Variants in CD1E observed in about 807,000 individuals in gnomAD.
CD1E encodes the protein T-cell surface glycoprotein CD1e, membrane-associated.
In CD1E, 49 loss-of-function variants were observed where a neutral mutation model predicts 40.1. The ratio of observed to expected loss-of-function variants is 1.22; its 90% confidence interval spans 0.97 to 1.55. The LOEUF is 1.55. CD1E is among the 40% of genes most tolerant of loss of function. The probability of loss-of-function intolerance (pLI) is 0.00; values close to 1 mark genes in which losing one functional copy is unlikely to be tolerated. For synonymous variants in CD1E, 189 were observed against 178.3 expected (o/e 1.06, Z -0.48); for missense variants, 492 against 471.3 (o/e 1.04, Z -0.41).
chr1:158,355,625 G>C lies in CD1E; in HGVS notation c.625+56G>C, dbSNP rs978892231. Reference sequence around the variant, plus strand: ...TCCTAGTACTATAACTCTCATATTTGAATTTGCCTCTCATCATCATTTTGA... The same window carrying C: ...TCCTAGTACTATAACTCTCATATTTCAATTTGCCTCTCATCATCATTTTGA... On this transcript the variant is annotated intron_variant, in intron 3 of 5. Coordinates refer to ENST00000368167, the MANE Select transcript of CD1E (RefSeq NM_030893.4). 3.9e-6 allele frequency: 6 copies of C among 1,550,458 alleles called. No individual in the cohort carries two copies. In the African/African-American group the frequency reaches 8.2e-5, roughly 21 times the overall value.
In CD1E at chr1:158,354,817, A is replaced by G. The variant is rs112422469; in HGVS notation, c.355+144A>G. ...TGACTCCCACTCCCTCCTCTGCTTC[A>G]CCCTTCACCACCACCCACACTCCAC... On this transcript the variant is annotated intron_variant, in intron 2 of 5. Coordinates refer to ENST00000368167, the MANE Select transcript of CD1E (RefSeq NM_030893.4). 4,344 of 676,292 alleles carry G rather than the reference A, an allele frequency of 6.4e-3. 131 individuals are homozygous for G. In the African/African-American group the frequency reaches 0.07, roughly 11 times the overall value. The allele number at this position is 676,292 out of a possible 1,614,324, so 41.9% of individuals were successfully genotyped here. A position where few individuals can be genotyped will look rare whatever the true frequency, so the allele number is the denominator to read the frequency against.
rs776702657 is a variant in CD1E at position 158,356,722 on chromosome 1, C to G, written c.999-6C>G. On this transcript the variant is annotated splice_region_variant and splice_polypyrimidine_tract_variant and intron_variant, in intron 5 of 5. Transcript: ENST00000368167. ...TTGAGATTAATATCCTCCTCTTTTC[C>G]CACAGTTCAAATAAGAACATTCTTT... The G allele has an allele frequency of 8.1e-6, 13 of 1,612,834 alleles. No individual in the cohort carries two copies. The highest frequency in any genetic ancestry group is 8.5e-7 in the Non-Finnish European group (1 of 1,179,610).
At chr1:158,355,148 ACAAATTTTCTT>A in intron 2 of CD1E, 141 bp from the exon 3 acceptor site, 2 of 387,876 alleles carry the variant, frequency 5.2e-6, no homozygotes, top group Non-Finnish European at 7.8e-6. Flanking sequence ...TTTTCTTCCC[ACAAATTTTCTT>A]CCCCTTTGCC....
rs751436015 is a variant in CD1E at position 158,356,053 on chromosome 1, C to A, written c.852C>A (p.Ser284=). The A allele has an allele frequency of 6.2e-6, 10 of 1,613,904 alleles. No individual in the cohort carries two copies. Among genetic ancestry groups the A allele is most frequent in the Non-Finnish European group, 8.5e-6 (10 of 1,179,946 alleles). Reference sequence around the variant, plus strand: ...CGGCTGGGGAGGCAGCTGGCCTGTCCTGTCGGGTGAAACACAGCAGTCTAG... The same window carrying A: ...CGGCTGGGGAGGCAGCTGGCCTGTCATGTCGGGTGAAACACAGCAGTCTAG... ...DVAAGEAAGL[S]CRVKHSSLGG... is the part of the protein sequence containing the mutation. Residue 284 remains serine (S), a synonymous_variant, in exon 4 of 6, where the codon TCC becomes TCA. Coordinates refer to ENST00000368167, the MANE Select transcript of CD1E (RefSeq NM_030893.4).
At position 158,356,017 on chromosome 1, in the gene CD1E, C is replaced by T; in HGVS notation, c.816C>T (p.Thr272=). 6.2e-7 allele frequency: 1 copy of T among 1,614,112 alleles called. No individual in the cohort carries two copies. The highest frequency in any genetic ancestry group is 8.5e-7 in the Non-Finnish European group (1 of 1,180,022). ...ACGAGACATGGTATCTCCGAGCAACCCTGGATGTGGCGGCTGGGGAGGCAG... is the reference window on the plus strand; with the variant it reads ...ACGAGACATGGTATCTCCGAGCAACTCTGGATGTGGCGGCTGGGGAGGCAG... The part of the protein sequence containing the change: ...NADETWYLRA[T]LDVAAGEAAG... Residue 272 remains threonine, a synonymous_variant, in exon 4 of 6, where the codon ACC becomes ACT. Transcript: ENST00000368167.
intron 3 of CD1E, 86 bp downstream of exon 3, chr1:158,355,655 CAT>C (rs1359891384): frequency 2.0e-6 from 3 of 1,474,688 alleles, no homozygotes; most frequent in Non-Finnish European, 2.7e-6. Flanking sequence ...TTTTGAAAGA[CAT>C]AGTGAGAGAC....
intron 2 of CD1E, among the ~76,000 whole-genome samples, chr1:158,355,044 T>C (rs992021207): frequency 6.6e-6 from 1 of 152,026 alleles, no homozygotes; most frequent in African/African-American, 2.4e-5. Flanking sequence ...CACTTTCACG[T>C]GAATTATTTA....
chr1:158,356,414 G>A (rs1653691859), intron 4 of CD1E, 84 bp from the exon 5 acceptor site: 1 of 1,113,168 alleles, frequency 9.0e-7, no homozygotes. Context: ...ATTCTAGGAA[G>A]GTCCCACCCT....
In CD1E at chr1:158,357,235, C is replaced by T; in HGVS notation, c.*339C>T. On this transcript the variant is annotated 3_prime_UTR_variant, in exon 6 of 6. Transcript: ENST00000368167. ...AACAGTAGTTATTTAGGTTTTTGCTCTTTTTTTTTTTTTAATCTCAGTTGC... is the reference window on the plus strand; with the variant it reads ...AACAGTAGTTATTTAGGTTTTTGCTTTTTTTTTTTTTTTAATCTCAGTTGC... 6.4e-6 allele frequency: 1 copy of T among 157,226 alleles called. No homozygotes were observed. Among genetic ancestry groups the T allele is most frequent in the Admixed American group, 6.3e-5 (1 of 15,824 alleles). 9.7% of individuals were successfully genotyped at this position (157,226 alleles called of 1,614,324 possible).
intron 2 of CD1E, 43 bp from the exon 3 acceptor site, chr1:158,355,257 G>A (rs1653472975): frequency 1.3e-6 from 2 of 1,574,692 alleles, no homozygotes; most frequent in Admixed American, 1.8e-5. Context: ...TTTCTTCCTT[G>A]TCATTCTTTC....
chr1:158,355,908 A>C lies in CD1E; in HGVS notation c.707A>C (p.Tyr236Ser), dbSNP rs1005575666. ...CTTGTGTGCCATGTCTCAGGATTCT[A>C]CCCAAAGCCCGTGTGGGTGATGTGG... ...LQLVCHVSGF[Y>S]PKPVWVMWMR... The change falls in exon 4 of 6, where the codon TAC becomes TCC. Residue 236 changes from tyrosine (Y) to serine (S), a missense_variant. By Grantham distance (144) the Tyr-to-Ser change is moderately radical (BLOSUM62 -2). Transcript: ENST00000368167. 1 of 1,613,970 alleles carries C rather than the reference A, an allele frequency of 6.2e-7. No individual in the cohort carries two copies.
Position 158,354,554 on chromosome 1 carries a change from C to T in CD1E, c.236C>T (p.Pro79Leu), listed in dbSNP as rs1370392156. 1.4e-5 allele frequency: 22 copies of T among 1,614,096 alleles called. No individual in the cohort carries two copies. The South Asian group carries it at 2.2e-4, about 16-fold the overall frequency. ...TVLGTIRFLK[P>L]WSHGNFSKQE... is the part of the protein sequence containing the mutation. ...TTGGGCACCATCCGCTTTCTGAAGC[C>T]CTGGTCCCATGGAAACTTCAGCAAG... is the stretch of plus-strand genomic sequence containing the variant. The change falls in exon 2 of 6, where the codon CCC (proline) becomes CTC (leucine). Residue 79 changes from proline to leucine, a missense_variant. Physicochemically the swap from Pro to Leu is moderately conservative, Grantham distance 98. Coordinates refer to ENST00000368167, the MANE Select transcript of CD1E (RefSeq NM_030893.4).
At chr1:158,354,337 C>T (rs1653341290) in intron 1 of CD1E, 40 bp from the exon 2 acceptor site, 2 of 1,532,906 alleles carry the variant, frequency 1.3e-6, no homozygotes, top group Non-Finnish European at 1.8e-6. Context: ...TTTTCCCATC[C>T]CTTTACATTC....
chr1:158,355,105 T>G (rs1295799323), intron 2 of CD1E, among the ~76,000 whole-genome samples, 195 bp from the exon 3 acceptor site: 2 of 152,088 alleles, frequency 1.3e-5, no homozygotes, highest in Non-Finnish European at 2.9e-5. Flanking sequence ...ACTTTCCCAT[T>G]AGTTATTTCA....
At position 158,355,528 on chromosome 1, in the gene CD1E, C is replaced by T. The variant is rs199846351; in HGVS notation, c.584C>T (p.Ala195Val). The T allele has an allele frequency of 4.4e-5, 71 of 1,614,094 alleles. No homozygotes were observed. The highest frequency in any genetic ancestry group is 6.7e-5 in the African/African-American group (5 of 75,040). Residue 195 changes from alanine to valine, a missense_variant, in exon 3 of 6, where the codon GCG (alanine) becomes GTG (valine). Coordinates refer to ENST00000368167, the MANE Select transcript of CD1E (RefSeq NM_030893.4). ...GGTCACACCTGCCCTCGATTTCTAGCGGGGCTCATGGAAGCAGGGGAGTCA... is the reference window on the plus strand; with the variant it reads ...GGTCACACCTGCCCTCGATTTCTAGTGGGGCTCATGGAAGCAGGGGAGTCA... ...LLGHTCPRFL[A>V]GLMEAGESEL... is the part of the protein sequence containing the mutation.
In CD1E at chr1:158,356,764, C is replaced by T. The variant is rs750707754; in HGVS notation, c.1035C>T (p.Ser345=). The T allele has an allele frequency of 1.2e-6, 2 of 1,613,796 alleles. No individual in the cohort carries two copies. The highest frequency in any genetic ancestry group is 1.3e-5 in the African/African-American group (1 of 74,860). Residue 345 remains serine (S), a synonymous_variant, in exon 6 of 6, where the codon AGC becomes AGT. Transcript: ENST00000368167. ...ACATTCTTTCTCCCCACACACCCAG[C>T]CCTGTCTTTCTCATGGGAGCCAACA... The part of the protein sequence containing the change: ...NKNILSPHTP[S]PVFLMGANTQ...
intron 4 of CD1E, 99 bp from the exon 5 acceptor site, chr1:158,356,399 T>G: frequency 9.9e-7 from 1 of 1,007,352 alleles, no homozygotes; most frequent in Non-Finnish European, 1.5e-6. Flanking sequence ...AAAACCCAGA[T>G]GAAAATTCTA....
Position 158,356,791 on chromosome 1 carries a change from T to C in CD1E, c.1062T>C (p.Thr354=), listed in dbSNP as rs61734681. The change falls in exon 6 of 6, where the codon ACT becomes ACC. Residue 354 remains threonine (T), a synonymous_variant. Coordinates refer to ENST00000368167, the MANE Select transcript of CD1E (RefSeq NM_030893.4). The part of the protein sequence containing the change: ...PSPVFLMGAN[T]QDTKNSRHQF... ...CTGTCTTTCTCATGGGAGCCAACAC[T>C]CAGGACACCAAGAATTCAAGACATC... 15,872 of 1,613,676 alleles carry C rather than the reference T, an allele frequency of 9.8e-3. 1,325 individuals are homozygous for C. In the African/African-American group the frequency reaches 0.18, roughly 19 times the overall value.
In CD1E at chr1:158,355,514, C is replaced by T. The variant is rs753931697; in HGVS notation, c.570C>T (p.Cys190=). ...TGCAAAGCCTTCTTGGTCACACCTG[C>T]CCTCGATTTCTAGCGGGGCTCATGG... ...EILQSLLGHT[C]PRFLAGLMEA... The change falls in exon 3 of 6, where the codon TGC becomes TGT. Residue 190 remains cysteine, a synonymous_variant. Transcript: ENST00000368167. 4 of 1,614,032 alleles carry T rather than the reference C, an allele frequency of 2.5e-6. No individual in the cohort carries two copies. The African/African-American group carries it at 4.0e-5, about 16-fold the overall frequency.
Sources: gnomAD v4.1 joint callset for allele counts (sites outside exome capture counted in the v4.1 genomes callset) on GRCh38, gnomAD v4.1.1 for gene constraint, MANE v1.5 for transcripts, NCBI Gene and HGNC (gene_info 2026-07-23, HGNC 2026-07-21) for gene names.